CEP128: variants seen among roughly 807,000 people sequenced by gnomAD.
The protein encoded by CEP128 is centrosomal protein 128kDa.
In CEP128, 132 loss-of-function variants were observed where a neutral mutation model predicts 156.7. The observed-to-expected ratio is 0.84, with a 90% CI of 0.73 to 0.97. The LOEUF (loss-of-function observed/expected upper bound fraction) is 0.97. CEP128 is among the 50% of genes least tolerant of loss of function. The pLI, the probability that CEP128 is intolerant of heterozygous loss-of-function variation, is 0.00. For missense variants in CEP128, 1,252 were observed against 1,281.9 expected (o/e 0.98, Z 0.36); for synonymous variants, 469 against 448.9 (o/e 1.04, Z -0.57).
intron 13 of CEP128, among the ~76,000 whole-genome samples, chr14:80,812,126 C>T (rs1884591299): frequency 1.3e-5 from 2 of 152,166 alleles, no homozygotes; most frequent in South Asian, 2.1e-4. Flanking sequence ...CTGTTTAGCT[C>T]CCACTTATAA....
At chr14:80,671,145 G>A (rs765761487) in intron 19 of CEP128, among the ~76,000 whole-genome samples, 9 of 152,120 alleles carry the variant, frequency 5.9e-5, no homozygotes, top group Non-Finnish European at 1.0e-4. Context: ...AGAATGCAGG[G>A]ACATGCTATA....
chr14:80,656,289 A>ATATATATT (rs1566837825), intron 19 of CEP128, among the ~76,000 whole-genome samples: 218 of 14,338 alleles, frequency 0.015, 13 homozygotes, highest in African/African-American at 0.068. Flanking sequence ...TTATATATAT[A>ATATATATT]TTTATATATA....
intron 18 of CEP128, among the ~76,000 whole-genome samples, chr14:80,749,210 C>T (rs1221204666): frequency 6.6e-6 from 1 of 152,112 alleles, no homozygotes; most frequent in East Asian, 1.9e-4. Flanking sequence ...CCAAGCACTT[C>T]GGAGAACATA....
chr14:80,572,272 A>T (rs897732462), intron 20 of CEP128, among the ~76,000 whole-genome samples: 6 of 152,192 alleles, frequency 3.9e-5, no homozygotes, highest in African/African-American at 1.4e-4. Flanking sequence ...TAGAAGTGAG[A>T]ACTACAGTTT....
intron 18 of CEP128, among the ~76,000 whole-genome samples, chr14:80,748,495 T>C (rs1007675355): frequency 3.3e-5 from 5 of 152,176 alleles, no homozygotes; most frequent in Non-Finnish European, 7.3e-5. Context: ...ATGAAACACA[T>C]GCTGAAGGCT....
At chr14:80,944,495 C>T (rs752175650), upstream of CEP128, among the ~76,000 whole-genome samples, 2 of 152,160 alleles carry the variant, frequency 1.3e-5, no homozygotes, top group African/African-American at 2.4e-5. Flanking sequence ...TTTCCTGAGG[C>T]TTCCCCAGCC....
intron 13 of CEP128, among the ~76,000 whole-genome samples, chr14:80,806,912 T>C (rs1357118824): frequency 6.6e-6 from 1 of 152,126 alleles, no homozygotes; most frequent in African/African-American, 2.4e-5. Flanking sequence ...TATGGTTTAT[T>C]TGAAAGAGAA....
chr14:80,584,590 A>C (rs1242826715), intron 19 of CEP128, among the ~76,000 whole-genome samples: 1 of 152,198 alleles, frequency 6.6e-6, no homozygotes, highest in African/African-American at 2.4e-5. Flanking sequence ...AAGCACATGC[A>C]TTTGGAATGA....
chr14:80,540,470 T>G (rs938361434), intron 21 of CEP128, among the ~76,000 whole-genome samples: 1 of 152,132 alleles, frequency 6.6e-6, no homozygotes, highest in Non-Finnish European at 1.5e-5. Context: ...GAATGAATAG[T>G]GAAGAGCCTG....
At chr14:80,731,303 T>C (rs529543119) in intron 19 of CEP128, among the ~76,000 whole-genome samples, 1 of 152,332 alleles carries the variant, frequency 6.6e-6, no homozygotes, top group East Asian at 1.9e-4. Context: ...CTGTCAATCC[T>C]GGAGAAATAA....
intron 8 of CEP128, among the ~76,000 whole-genome samples, chr14:80,886,299 G>A (rs762968091): frequency 4.6e-5 from 7 of 152,040 alleles, no homozygotes; most frequent in African/African-American, 1.7e-4. Context: ...GATACTCCTC[G>A]AGAAGAGCAA....
intron 7 of CEP128, 36 bp downstream of exon 7, chr14:80,899,902 T>A (rs1883433239): frequency 1.4e-6 from 2 of 1,379,404 alleles, no homozygotes; most frequent in Non-Finnish European, 2.1e-6. Flanking sequence ...CTCCTCATAA[T>A]TTATCCCTCC....
intron 14 of CEP128, among the ~76,000 whole-genome samples, chr14:80,787,899 T>C (rs1432097551): frequency 6.6e-6 from 1 of 152,150 alleles, no homozygotes; most frequent in Non-Finnish European, 1.5e-5. Context: ...AGAGACAGGA[T>C]GGTTCAAGAA....
intron 19 of CEP128, among the ~76,000 whole-genome samples, chr14:80,660,420 T>C (rs377601184): frequency 5.9e-5 from 9 of 152,202 alleles, no homozygotes; most frequent in Admixed American, 5.2e-4. Flanking sequence ...TGCCATTTTC[T>C]ACATGAGACA....
rs1459892241 is a variant in CEP128, at chr14:80,905,955, C to T, written c.361G>A (p.Glu121Lys). ...ASDLDGGTGS[E>K]LHHFPPTSPL... ...TTTTCAGAACATTTGAAGTGTTTACCTGACCCAGTGCCACCATCAAGGTCA... is the reference window on the plus strand; with the variant it reads ...TTTTCAGAACATTTGAAGTGTTTACTTGACCCAGTGCCACCATCAAGGTCA... The change falls in exon 5 of 25, where the codon GAG becomes AAG. Residue 121 changes from glutamate to lysine, a missense_variant and splice_region_variant. Transcript: ENST00000555265. The T allele has an allele frequency of 1.9e-6, 3 of 1,611,056 alleles. No homozygotes were observed. Among genetic ancestry groups the T allele is most frequent in the Non-Finnish European group, 2.5e-6 (3 of 1,179,060 alleles).
intron 5 of CEP128, among the ~76,000 whole-genome samples, chr14:80,905,195 C>T (rs1023629863): frequency 2.0e-5 from 3 of 151,754 alleles, no homozygotes; most frequent in Non-Finnish European, 4.4e-5. Flanking sequence ...CTCCAAGAAG[C>T]AACATATTTT....
At chr14:80,758,791 T>G (rs1899807125) in intron 17 of CEP128, among the ~76,000 whole-genome samples, 2 of 152,200 alleles carry the variant, frequency 1.3e-5, no homozygotes, top group South Asian at 4.1e-4. Flanking sequence ...CGCAAGATAT[T>G]TGACCCTATA....
At chr14:80,794,674 G>T (rs1901894238) in intron 13 of CEP128, among the ~76,000 whole-genome samples, 1 of 152,098 alleles carries the variant, frequency 6.6e-6, no homozygotes, top group Admixed American at 6.6e-5. Context: ...CAAGCATATG[G>T]TTTATAGAAA....
At chr14:80,622,744 C>A (rs1465759795) in intron 19 of CEP128, among the ~76,000 whole-genome samples, 5 of 150,782 alleles carry the variant, frequency 3.3e-5, no homozygotes. Context: ...AAATGCAAAT[C>A]AAAACCACAA....
Sources: gnomAD v4.1 joint callset for allele counts (sites outside exome capture counted in the v4.1 genomes callset) on GRCh38, gnomAD v4.1.1 for gene constraint, MANE v1.5 for transcripts, NCBI Gene and HGNC (gene_info 2026-07-23, HGNC 2026-07-21) for gene names.